Variants in TRAPPC10 observed in about 807,000 individuals in gnomAD.
The protein encoded by TRAPPC10 is TRAPP 130 kDa subunit.
In TRAPPC10, 23 loss-of-function variants were observed where a neutral mutation model predicts 125.5. The ratio of observed to expected loss-of-function variants is 0.18; its 90% CI spans 0.13 to 0.26. TRAPPC10 has a LOEUF of 0.26. Ranked by LOEUF, TRAPPC10 falls within the 10% of genes least tolerant of loss-of-function variation. The pLI is 1.00. For missense variants in TRAPPC10, 1,123 were observed against 1,308.4 expected (o/e 0.86, Z 2.19); for synonymous variants, 509 against 518.0 (o/e 0.98, Z 0.24).
chr21:44,062,912 A>C, intron 6 of TRAPPC10: 1 of 1,237,678 alleles, frequency 8.1e-7, no homozygotes, highest in Non-Finnish European at 1.0e-6. Context: ...GTTATTATAC[A>C]TTGTTATGCT....
chr21:44,026,496 GT>G (rs1277198936), intron 1 of TRAPPC10, among the ~76,000 whole-genome samples: 24 of 152,320 alleles, frequency 1.6e-4, no homozygotes, highest in Admixed American at 6.5e-5. Context: ...AGAAATGAAT[GT>G]ATGGCCTATG....
At chr21:44,076,394 A>T (rs1158670935) in intron 9 of TRAPPC10, among the ~76,000 whole-genome samples, 158 bp from the exon 10 acceptor site, 1 of 152,252 alleles carries the variant, frequency 6.6e-6, no homozygotes, top group African/African-American at 2.4e-5. Context: ...ATTGAAAGAG[A>T]ATGTACATAA....
chr21:44,028,965 T>C (rs1444396412), intron 1 of TRAPPC10, among the ~76,000 whole-genome samples: 1 of 152,242 alleles, frequency 6.6e-6, no homozygotes, highest in Non-Finnish European at 1.5e-5. Flanking sequence ...CTAGTGACTT[T>C]TCTGCTTAAT....
intron 5 of TRAPPC10, among the ~76,000 whole-genome samples, chr21:44,057,303 CTCT>C (rs2035674432): frequency 6.6e-6 from 1 of 151,614 alleles, no homozygotes. Flanking sequence ...CTCTCTCTCT[CTCT>C]TTTTTTTTTT....
At position 44,059,558 on chromosome 21, in the gene TRAPPC10, A is replaced by G; in HGVS notation, c.790+344A>G. 1 of 714,386 alleles carries G rather than the reference A, an allele frequency of 1.4e-6. No homozygotes were observed. The allele number at this position is 714,386 out of a possible 1,614,324, so 44.3% of individuals were successfully genotyped here. On this transcript the variant is annotated intron_variant, in intron 6 of 22. Coordinates refer to ENST00000291574, the MANE Select transcript of TRAPPC10 (RefSeq NM_003274.5). The surrounding 1 kb of genome is among the most constrained non-coding windows in gnomAD (Gnocchi z 4.4). ...CAGAGTGGACGTCCCTTTGCCTTCCATCCAGGGGTTATCTTTGGAATGCTC... is the reference window on the plus strand; with the variant it reads ...CAGAGTGGACGTCCCTTTGCCTTCCGTCCAGGGGTTATCTTTGGAATGCTC...
chr21:44,077,614 T>C, intron 10 of TRAPPC10, 79 bp from the exon 11 acceptor site: 1 of 1,116,242 alleles, frequency 9.0e-7, no homozygotes, highest in Non-Finnish European at 1.3e-6. Context: ...GTCTTTTGTG[T>C]GAGCTTTAGG....
At chr21:44,014,976 T>C (rs946090487) in intron 1 of TRAPPC10, among the ~76,000 whole-genome samples, 1 of 152,212 alleles carries the variant, frequency 6.6e-6, no homozygotes, top group Non-Finnish European at 1.5e-5. Flanking sequence ...TATGCCTTCA[T>C]CTTGCTCCTC....
intron 1 of TRAPPC10, among the ~76,000 whole-genome samples, chr21:44,026,370 C>T (rs145805422): frequency 7.9e-5 from 12 of 152,208 alleles, no homozygotes; most frequent in Admixed American, 6.5e-4. Context: ...ACATTATACA[C>T]GAATTATAGC....
intron 2 of TRAPPC10, among the ~76,000 whole-genome samples, chr21:44,033,086 A>G (rs2033717842): frequency 6.6e-6 from 1 of 152,258 alleles, no homozygotes; most frequent in Admixed American, 6.5e-5. Context: ...TATTTCTGGT[A>G]AGAGCAGGTG....
chr21:44,083,781 G>A (rs2037927171), intron 14 of TRAPPC10, among the ~76,000 whole-genome samples: 2 of 152,226 alleles, frequency 1.3e-5, no homozygotes, highest in South Asian at 2.1e-4. Flanking sequence ...GATTTGGCCT[G>A]TGGAAAGTAC....
rs1392064437 is a variant in TRAPPC10 at position 44,063,025 on chromosome 21, A to T, written c.791-513A>T. 2 of 1,304,198 alleles carry T rather than the reference A, an allele frequency of 1.5e-6. No individual in the cohort carries two copies. Among genetic ancestry groups the T allele is most frequent in the Non-Finnish European group, 2.0e-6 (2 of 989,032 alleles). 80.8% of individuals were successfully genotyped at this position (1,304,198 alleles called of 1,614,324 possible). On this transcript the variant is annotated intron_variant, in intron 6 of 22. Coordinates refer to ENST00000291574, the MANE Select transcript of TRAPPC10 (RefSeq NM_003274.5). The surrounding 1 kb of genome is among the most constrained non-coding windows in gnomAD (Gnocchi z 4.4). ...ATTCTTTTTCCTTCTATGTGCTGCT[A>T]CCAAGTCCTCCCTGTCCCTTCCTCC...
Position 44,059,721 on chromosome 21 carries a change from T to C in TRAPPC10, c.790+507T>C. 2.1e-6 allele frequency: 1 copy of C among 482,276 alleles called. No homozygotes were observed. The highest frequency in any genetic ancestry group is 3.7e-6 in the Non-Finnish European group (1 of 271,630). 29.9% of individuals were successfully genotyped at this position (482,276 alleles called of 1,614,324 possible). A position where few individuals can be genotyped will look rare whatever the true frequency, so the allele number is the denominator to read the frequency against. On this transcript the variant is annotated intron_variant, in intron 6 of 22. Transcript: ENST00000291574. The surrounding 1 kb of genome is among the most constrained non-coding windows in gnomAD (Gnocchi z 4.4). ...ATACACAGAGAGAAACATTGGTTAT[T>C]GTCCTCAGTGTTTTTCGCTGATACT...
chr21:44,031,511 G>A (rs891309153), intron 1 of TRAPPC10, among the ~76,000 whole-genome samples: 11 of 152,180 alleles, frequency 7.2e-5, no homozygotes, highest in Admixed American at 6.5e-4. Context: ...GAACACGTTG[G>A]CCCTCAAAGC....
At chr21:44,084,723 T>TC (rs528883060) in intron 15 of TRAPPC10, among the ~76,000 whole-genome samples, 7 of 152,036 alleles carry the variant, frequency 4.6e-5, no homozygotes, top group East Asian at 1.9e-4. Flanking sequence ...CCCAAGACAG[T>TC]CCCCCCCTTC....
chr21:44,081,017 C>CTTTTTT (rs67865929), intron 13 of TRAPPC10, among the ~76,000 whole-genome samples: 11 of 97,192 alleles, frequency 1.1e-4, no homozygotes, highest in South Asian at 3.7e-4. Context: ...TTTTTTTTTT[C>CTTTTTT]TTTTTTTTTT....
chr21:44,066,157 A>G (rs1485974907), intron 7 of TRAPPC10, among the ~76,000 whole-genome samples: 1 of 152,212 alleles, frequency 6.6e-6, no homozygotes, highest in Non-Finnish European at 1.5e-5. Flanking sequence ...GGTGGCTTAT[A>G]AAACATGTCC....
chr21:44,030,640 A>G (rs1463135035), intron 1 of TRAPPC10, among the ~76,000 whole-genome samples: 1 of 151,638 alleles, frequency 6.6e-6, no homozygotes, highest in Admixed American at 6.6e-5. Context: ...CTAATTTTGT[A>G]TTTTTTTAGT....
At chr21:44,070,792 C>T (rs977835727) in intron 7 of TRAPPC10, among the ~76,000 whole-genome samples, 1 of 152,322 alleles carries the variant, frequency 6.6e-6, no homozygotes, top group East Asian at 1.9e-4. Flanking sequence ...CCCCTTCCCC[C>T]GAGCTCTTGC....
rs1207386117 is a variant in TRAPPC10 at position 44,084,104 on chromosome 21, C to G, written c.2239-18C>G. On this transcript the variant is annotated intron_variant, in intron 14 of 22. Transcript: ENST00000291574. ...AACTGGGTGACGTGGTTTCAAATGCCTGATTCTTTGACTCTAGGCCAAGGA... is the reference window on the plus strand; with the variant it reads ...AACTGGGTGACGTGGTTTCAAATGCGTGATTCTTTGACTCTAGGCCAAGGA... The G allele has an allele frequency of 9.3e-6, 15 of 1,613,284 alleles. No individual in the cohort carries two copies. The highest frequency in any genetic ancestry group is 1.2e-5 in the Non-Finnish European group (14 of 1,179,702).
Sources: allele counts gnomAD v4.1 joint callset (sites outside exome capture counted in the v4.1 genomes callset), GRCh38; gene constraint gnomAD v4.1.1; non-coding constraint Gnocchi (gnomAD v3.1); transcripts MANE v1.5; gene names NCBI Gene and HGNC (gene_info 2026-07-23, HGNC 2026-07-21).